The following LYSMD1 variants were observed in gnomAD, a reference collection of about 807,000 sequenced individuals.
LYSMD1 encodes the protein lysM and putative peptidoglycan-binding domain-containing protein 1.
In LYSMD1, 9 loss-of-function variants were observed where a neutral mutation model predicts 19.3. The ratio of observed to expected loss-of-function variants is 0.47; its 90% CI spans 0.28 to 0.81. The LOEUF (loss-of-function observed/expected upper bound fraction) is 0.81. Among genes scored for constraint, LYSMD1 ranks in the 40% least tolerant of loss-of-function variants. LYSMD1 has a pLI of 0.11. For missense variants in LYSMD1, 262 were observed against 279.8 expected (o/e 0.94, Z 0.45); for synonymous variants, 111 against 111.7 (o/e 0.99, Z 0.04).
At chr1:151,151,754 AC>A in the LYSMD1 span, among the ~76,000 whole-genome samples, 3 of 150,916 alleles carry the variant, frequency 2.0e-5, no homozygotes, top group Admixed American at 2.0e-4. Context: ...ACATAGAGAA[AC>A]CCCGTCTCTA....
At chr1:151,153,620 A>C in the LYSMD1 span, among the ~76,000 whole-genome samples, 7 of 150,832 alleles carry the variant, frequency 4.6e-5, no homozygotes, top group East Asian at 1.2e-3. Context: ...ACGCCGCTGC[A>C]CTCCAGCCTG....
chr1:151,151,871 A>T, the LYSMD1 span, among the ~76,000 whole-genome samples: 5 of 149,384 alleles, frequency 3.3e-5, no homozygotes, highest in Non-Finnish European at 7.4e-5. Context: ...GGAGGTTGCC[A>T]TGAGGCAAGA....
At chr1:151,153,407 C>A in the LYSMD1 span, among the ~76,000 whole-genome samples, 1 of 152,142 alleles carries the variant, frequency 6.6e-6, no homozygotes, top group Non-Finnish European at 1.5e-5. Context: ...GTAATCCCAG[C>A]ACTTTGGGAG....
At chr1:151,164,491 T>C (rs1683583668) in intron 1 of LYSMD1, among the ~76,000 whole-genome samples, 1 of 152,144 alleles carries the variant, frequency 6.6e-6, no homozygotes, top group Non-Finnish European at 1.5e-5. Flanking sequence ...ATTTCCCCCA[T>C]GCATGACCTG....
At chr1:151,159,482 A>G, downstream of LYSMD1, 1 of 514,062 alleles carries the variant, frequency 1.9e-6, no homozygotes. Context: ...AGGACAGGAA[A>G]CAGAACTGCC....
At chr1:151,151,802 G>A in the LYSMD1 span, among the ~76,000 whole-genome samples, 12 of 151,688 alleles carry the variant, frequency 7.9e-5, no homozygotes, top group Non-Finnish European at 1.3e-4. Flanking sequence ...GGTGGCGGGC[G>A]CCTGTAGTCC....
At chr1:151,157,119 G>A (rs111663864), downstream of LYSMD1, among the ~76,000 whole-genome samples, 5 of 152,148 alleles carry the variant, frequency 3.3e-5, no homozygotes, top group African/African-American at 7.2e-5. Flanking sequence ...AATGTGAGAC[G>A]GCAATGGGGG....
At chr1:151,152,467 C>T in the LYSMD1 span, among the ~76,000 whole-genome samples, 6 of 151,226 alleles carry the variant, frequency 4.0e-5, no homozygotes, top group Non-Finnish European at 5.9e-5. Flanking sequence ...TTCGGGAGGC[C>T]GAGCTGGGCG....
chr1:151,164,170 A>G (rs1222771576), intron 1 of LYSMD1, among the ~76,000 whole-genome samples: 1 of 152,230 alleles, frequency 6.6e-6, no homozygotes, highest in Non-Finnish European at 1.5e-5. Flanking sequence ...CTGGGATTAC[A>G]GGGGTGAGCC....
chr1:151,158,839 G>A, downstream of LYSMD1: 3 of 1,614,162 alleles, frequency 1.9e-6, no homozygotes, highest in Non-Finnish European at 2.5e-6. Context: ...TGTGTCCAAG[G>A]AGTACACGCA....
At chr1:151,150,736 C>CTTTT in the LYSMD1 span, among the ~76,000 whole-genome samples, 49 of 125,102 alleles carry the variant, frequency 3.9e-4, 1 homozygote, top group African/African-American at 1.1e-3. Context: ...CTTTTCTTTT[C>CTTTT]TTTTTTTTTT....
downstream of LYSMD1, among the ~76,000 whole-genome samples, chr1:151,158,184 G>A (rs1432758199): frequency 8.5e-5 from 13 of 152,160 alleles, no homozygotes; most frequent in East Asian, 2.3e-3. Flanking sequence ...TTAGCCGGGC[G>A]TGGTGGTGGG....
the LYSMD1 span, among the ~76,000 whole-genome samples, chr1:151,148,573 T>C: frequency 2.0e-5 from 3 of 152,146 alleles, no homozygotes; most frequent in Admixed American, 1.3e-4. Context: ...AAAAGCTACA[T>C]TGAACATAAA....
chr1:151,165,106 A>G lies in LYSMD1; in HGVS notation c.153T>C (p.Ala51=). 6.2e-7 allele frequency: 1 copy of G among 1,614,184 alleles called. No homozygotes were observed. The highest frequency in any genetic ancestry group is 8.5e-7 in the Non-Finnish European group (1 of 1,180,006). ...EHQLEPGDTL[A]GLALKYGVTM... ...TCACCCCATATTTGAGTGCTAGTCC[A>G]GCCAGGGTGTCTCCGGGCTCCAACT... The change falls in exon 1 of 3, where the codon GCT becomes GCC. Residue 51 remains alanine (A), a synonymous_variant. Transcript: ENST00000368908.
chr1:151,153,216 G>C, the LYSMD1 span, among the ~76,000 whole-genome samples: 2 of 152,196 alleles, frequency 1.3e-5, no homozygotes, highest in Non-Finnish European at 2.9e-5. Context: ...CATTTGGCCA[G>C]GGTACACAGT....
chr1:151,163,815 AC>A (rs1683544712), intron 1 of LYSMD1, among the ~76,000 whole-genome samples: 2 of 152,036 alleles, frequency 1.3e-5, no homozygotes, highest in Admixed American at 1.3e-4. Context: ...GGCATGAGCC[AC>A]CACGCCTGGC....
chr1:151,163,592 G>A (rs587622797), intron 1 of LYSMD1, among the ~76,000 whole-genome samples: 1 of 152,050 alleles, frequency 6.6e-6, no homozygotes, highest in African/African-American at 2.4e-5. Context: ...GTAGTGGCGC[G>A]ATCTCGGCTC....
chr1:151,161,700 T>C (rs1553276182), intron 2 of LYSMD1, 36 bp downstream of exon 2: 2 of 1,589,962 alleles, frequency 1.3e-6, no homozygotes, highest in Non-Finnish European at 1.7e-6. Flanking sequence ...TGGAGGAGTC[T>C]AGGGAGGAAC....
At position 151,165,721 on chromosome 1, in the gene LYSMD1, G is replaced by A; in HGVS notation, c.-463C>T. The A allele has an allele frequency of 6.4e-7, 1 of 1,551,724 alleles. No homozygotes were observed. The highest frequency in any genetic ancestry group is 8.7e-7 in the Non-Finnish European group (1 of 1,146,998). On this transcript the variant is annotated 5_prime_UTR_variant, in exon 1 of 3. Transcript: ENST00000368908. ...AACTGTCGCCGCAGACGAAGAGCGT[G>A]AGGATTGCAAGAATTTGTAGTACAC...
Sources: gnomAD v4.1 joint callset for allele counts (sites outside exome capture counted in the v4.1 genomes callset) on GRCh38, gnomAD v4.1.1 for gene constraint, MANE v1.5 for transcripts, NCBI Gene and HGNC (gene_info 2026-07-23, HGNC 2026-07-21) for gene names.